RPS26: variants seen among roughly 807,000 people sequenced by gnomAD.
RPS26 encodes small ribosomal subunit protein eS26.
In RPS26, 1 loss-of-function variant was observed where a neutral mutation model predicts 14.7. That is an observed-to-expected ratio of 0.07 (90% CI 0.02 to 0.32). The LOEUF (loss-of-function observed/expected upper bound fraction) is 0.32, where lower values mean the gene tolerates loss of function less well. Among genes scored for constraint, RPS26 ranks in the 10% least tolerant of loss-of-function variants. RPS26 has a pLI of 1.00. For missense variants in RPS26, 63 were observed against 157.7 expected (o/e 0.40, Z 3.22); for synonymous variants, 59 against 53.1 (o/e 1.11, Z -0.48).
intron 1 of RPS26, 114 bp downstream of exon 1, chr12:56,042,283 C>G: frequency 2.0e-6 from 3 of 1,530,000 alleles, no homozygotes; most frequent in Non-Finnish European, 2.7e-6. Flanking sequence ...TTCATTTGCT[C>G]TGGGGGTCGG....
intron 1 of RPS26, 74 bp from the exon 2 acceptor site, chr12:56,042,351 G>C (rs1344090457): frequency 6.4e-7 from 1 of 1,563,660 alleles, no homozygotes; most frequent in Non-Finnish European, 8.8e-7. Context: ...CTGCCGGTGC[G>C]GCTTGTGGCC....
Position 56,042,071 on chromosome 12 carries a change from C to A in RPS26, c.-96C>A. On this transcript the variant is annotated 5_prime_UTR_variant, in exon 1 of 4. Transcript: ENST00000646449. Reference sequence around the variant, plus strand: ...GTGAGTTGCCGTTCTTGAAGCCCGTCTCCTAAGGATTCTCCCGGTGTCCGC... The same window carrying A: ...GTGAGTTGCCGTTCTTGAAGCCCGTATCCTAAGGATTCTCCCGGTGTCCGC... The A allele has an allele frequency of 7.8e-7, 1 of 1,287,978 alleles. No individual in the cohort carries two copies. Among genetic ancestry groups the A allele is most frequent in the Non-Finnish European group, 1.1e-6 (1 of 882,802 alleles). 79.8% of individuals were successfully genotyped at this position (1,287,978 alleles called of 1,614,324 possible).
intron 2 of RPS26, 83 bp downstream of exon 2, chr12:56,042,685 T>C (rs1332237162): frequency 1.9e-5 from 22 of 1,152,336 alleles, no homozygotes; most frequent in South Asian, 6.1e-5. Flanking sequence ...GGAGGCTCTG[T>C]TCTTTGGAGC....
chr12:56,044,437 G>T lies in RPS26; in HGVS notation c.*283G>T, dbSNP rs929246599. ...CAGCTCACTGCAACCTCCGTCTCCC[G>T]GGTTCAAGTGATTCTCCTGCCTCAG... On this transcript the variant is annotated 3_prime_UTR_variant, in exon 4 of 4. Coordinates refer to ENST00000646449, the MANE Select transcript of RPS26 (RefSeq NM_001029.5). 4 of 350,554 alleles carry T rather than the reference G, an allele frequency of 1.1e-5. No individual in the cohort carries two copies. In the Admixed American group the frequency reaches 2.2e-4, roughly 19 times the overall value. 21.7% of individuals were successfully genotyped at this position (350,554 alleles called of 1,614,324 possible).
rs545595719 is a variant in RPS26, at chr12:56,042,178, T to C, written c.3+9T>C. On this transcript the variant is annotated intron_variant, in intron 1 of 3. Coordinates refer to ENST00000646449, the MANE Select transcript of RPS26 (RefSeq NM_001029.5). ...TCCGTGCCTCCAAGATGGTGAGTCT[T>C]CTTGCGTGGTGAGGGTGGGGGTTCG... The C allele has an allele frequency of 1.2e-6, 2 of 1,614,070 alleles. No homozygotes were observed. The highest frequency in any genetic ancestry group is 1.7e-6 in the Non-Finnish European group (2 of 1,180,018).
intron 2 of RPS26, 21 bp from the exon 3 acceptor site, chr12:56,043,342 A>T (rs1895917312): frequency 6.2e-7 from 1 of 1,608,936 alleles, no homozygotes; most frequent in East Asian, 2.2e-5. Flanking sequence ...TACCAGTATA[A>T]CTCTATTTTC....
Position 56,042,163 on chromosome 12 carries a change from C to T in RPS26, c.-4C>T, listed in dbSNP as rs746529217. 12 of 1,613,970 alleles carry T rather than the reference C, an allele frequency of 7.4e-6. No homozygotes were observed. Among genetic ancestry groups the T allele is most frequent in the South Asian group, 3.3e-5 (3 of 91,088 alleles). On this transcript the variant is annotated 5_prime_UTR_variant, in exon 1 of 4. Transcript: ENST00000646449. ...GTCTCCTCTCTCCGGTCCGTGCCTCCAAGATGGTGAGTCTTCTTGCGTGGT... is the reference window on the plus strand; with the variant it reads ...GTCTCCTCTCTCCGGTCCGTGCCTCTAAGATGGTGAGTCTTCTTGCGTGGT...
intron 2 of RPS26, 184 bp from the exon 3 acceptor site, chr12:56,043,179 G>A (rs959868750): frequency 3.5e-5 from 21 of 596,714 alleles, no homozygotes; most frequent in African/African-American, 7.4e-5. Context: ...TAAAACTGAG[G>A]GTTATACATA....
At position 56,042,148 on chromosome 12, in the gene RPS26, T is replaced by G. The variant is rs1234410218; in HGVS notation, c.-19T>G. 1.9e-6 allele frequency: 3 copies of G among 1,613,888 alleles called. No homozygotes were observed. Among genetic ancestry groups the G allele is most frequent in the African/African-American group, 1.3e-5 (1 of 74,904 alleles). On this transcript the variant is annotated 5_prime_UTR_variant, in exon 1 of 4. Coordinates refer to ENST00000646449, the MANE Select transcript of RPS26 (RefSeq NM_001029.5). ...GCCCTGCCAGGCACCGTCTCCTCTCTCCGGTCCGTGCCTCCAAGATGGTGA... is the reference window on the plus strand; with the variant it reads ...GCCCTGCCAGGCACCGTCTCCTCTCGCCGGTCCGTGCCTCCAAGATGGTGA...
At chr12:56,043,099 A>G in intron 2 of RPS26, 1 of 453,322 alleles carries the variant, frequency 2.2e-6, no homozygotes, top group Non-Finnish European at 4.1e-6. Context: ...TTATTGGTTT[A>G]TTGCATTTAG....
At chr12:56,042,698 C>T (rs1895905735) in intron 2 of RPS26, 96 bp downstream of exon 2, 1 of 979,448 alleles carries the variant, frequency 1.0e-6, no homozygotes, top group Non-Finnish European at 1.6e-6. Context: ...TTTGGAGCCT[C>T]TCAGGCAATT....
chr12:56,043,458 A>G lies in RPS26; in HGVS notation c.277A>G (p.Lys93Glu). The G allele has an allele frequency of 6.2e-7, 1 of 1,613,648 alleles. No homozygotes were observed. Among genetic ancestry groups the G allele is most frequent in the Non-Finnish European group, 8.5e-7 (1 of 1,179,846 alleles). ...VVRNRSREARKDRTPPPRFRP... is the reference protein window; with the variant it reads ...VVRNRSREAREDRTPPPRFRP... ...CAGGAATCGATCTCGTGAAGCCCGC[A>G]AGGACCGAACACCCCCACCCCGATT... The change falls in exon 3 of 4, where the codon AAG (lysine) becomes GAG (glutamate). Residue 93 changes from lysine to glutamate, a missense_variant. Physicochemically the swap from Lys to Glu is moderately conservative, Grantham distance 56 (BLOSUM62 1). Coordinates refer to ENST00000646449, the MANE Select transcript of RPS26 (RefSeq NM_001029.5).
Position 56,042,413 on chromosome 12 carries a change from A to G in RPS26, c.4-12A>G, listed in dbSNP as rs755375681. On this transcript the variant is annotated splice_polypyrimidine_tract_variant and intron_variant, in intron 1 of 3. Transcript: ENST00000646449. ...GCGCCGTTTTCCTAACAGTTTTCCCATCCTGTCGCAGACAAAGAAAAGAAG... is the reference window on the plus strand; with the variant it reads ...GCGCCGTTTTCCTAACAGTTTTCCCGTCCTGTCGCAGACAAAGAAAAGAAG... The G allele has an allele frequency of 1.2e-6, 2 of 1,613,850 alleles. No homozygotes were observed. The highest frequency in any genetic ancestry group is 1.1e-5 in the South Asian group (1 of 91,074).
At chr12:56,042,837 TC>T in intron 2 of RPS26, 1 of 590,168 alleles carries the variant, frequency 1.7e-6, no homozygotes, top group East Asian at 2.9e-5. Context: ...TTTGCCTGTT[TC>T]GGTTATGAGA....
chr12:56,042,137 C>A lies in RPS26; in HGVS notation c.-30C>A. On this transcript the variant is annotated 5_prime_UTR_variant, in exon 1 of 4. Transcript: ENST00000646449. Reference sequence around the variant, plus strand: ...TATATAGGAGGGCCCTGCCAGGCACCGTCTCCTCTCTCCGGTCCGTGCCTC... The same window carrying A: ...TATATAGGAGGGCCCTGCCAGGCACAGTCTCCTCTCTCCGGTCCGTGCCTC... The A allele has an allele frequency of 1.2e-6, 2 of 1,613,592 alleles. No homozygotes were observed. Among genetic ancestry groups the A allele is most frequent in the South Asian group, 1.1e-5 (1 of 91,070 alleles).
At chr12:56,043,564 G>GTCCT (rs1895921326) in intron 3 of RPS26, 71 bp downstream of exon 3, 6 of 1,510,198 alleles carry the variant, frequency 4.0e-6, no homozygotes, top group Non-Finnish European at 5.5e-6. Flanking sequence ...GGGTCAGGGT[G>GTCCT]TCCTATACCT....
intron 2 of RPS26, 58 bp downstream of exon 2, chr12:56,042,660 C>G (rs144139825): frequency 3.4e-6 from 5 of 1,459,116 alleles, no homozygotes; most frequent in Non-Finnish European, 1.9e-6. Context: ...AGCCTTCGCC[C>G]AACTTCGCCC....
chr12:56,042,741 G>A, intron 2 of RPS26, 139 bp downstream of exon 2: 1 of 753,862 alleles, frequency 1.3e-6, no homozygotes, highest in South Asian at 1.5e-5. Flanking sequence ...TGGTAGAAGA[G>A]AATTCTCTTG....
intron 2 of RPS26, 66 bp from the exon 3 acceptor site, chr12:56,043,297 C>A: frequency 6.9e-7 from 1 of 1,450,116 alleles, no homozygotes; most frequent in Non-Finnish European, 9.7e-7. Flanking sequence ...AGGTGCTCTT[C>A]ATTCATGTAA....
Sources: gnomAD v4.1 joint callset for allele counts on GRCh38, gnomAD v4.1.1 for gene constraint, MANE v1.5 for transcripts, NCBI Gene and HGNC (gene_info 2026-07-23, HGNC 2026-07-21) for gene names.